Variants in MTMR14 observed in about 807,000 individuals in gnomAD.
The protein encoded by MTMR14 is phosphatidylinositol-3,5-bisphosphate 3-phosphatase MTMR14.
In MTMR14, 48 loss-of-function variants were observed where a neutral mutation model predicts 86.3. The ratio of observed to expected loss-of-function variants is 0.56; its 90% CI spans 0.44 to 0.71. The LOEUF (loss-of-function observed/expected upper bound fraction) is 0.71. MTMR14 is among the 30% of genes least tolerant of loss of function. MTMR14 has a pLI of 0.00. For missense variants in MTMR14, 780 were observed against 834.6 expected, an observed-to-expected ratio of 0.93 and a Z score of 0.81; for synonymous variants, 366 against 326.1, an observed-to-expected ratio of 1.12 and a Z score of -1.32.
Position 9,697,687 on chromosome 3 carries a change from CCCTCTCTCT to C in MTMR14, c.1614-16_1614-8del, listed in dbSNP as rs2076323627. The C allele has an allele frequency of 1.2e-6, 2 of 1,610,912 alleles. No homozygotes were observed. The highest frequency in any genetic ancestry group is 1.1e-5 in the South Asian group (1 of 90,714). On this transcript the variant is annotated splice_polypyrimidine_tract_variant and intron_variant, in intron 17 of 18. Coordinates refer to ENST00000296003, the MANE Select transcript of MTMR14 (RefSeq NM_001077525.3). ...GGCATATGACTGACTGCATCCTCTCCCCTCTCTCTCCTCTCTGCCCCAGATCAGTGGACC... is the reference window on the plus strand; with the variant it reads ...GGCATATGACTGACTGCATCCTCTCCCCTCTCTGCCCCAGATCAGTGGACC...
At chr3:9,656,816 G>C (rs1361920517) in intron 2 of MTMR14, among the ~76,000 whole-genome samples, 1 of 152,102 alleles carries the variant, frequency 6.6e-6, no homozygotes, top group Non-Finnish European at 1.5e-5. Context: ...CATTCTCTTC[G>C]TTCCCCTTCT....
intron 9 of MTMR14, among the ~76,000 whole-genome samples, chr3:9,680,706 G>A (rs571410529): frequency 5.3e-5 from 8 of 152,272 alleles, no homozygotes; most frequent in Middle Eastern, 3.4e-3. Context: ...GCGTGGTGGC[G>A]GGCGCCTGTA....
At chr3:9,689,389 G>A (rs1234284733) in intron 16 of MTMR14, among the ~76,000 whole-genome samples, 5 of 152,270 alleles carry the variant, frequency 3.3e-5, no homozygotes, top group South Asian at 2.1e-4. Context: ...ATCATTTGTC[G>A]GGGAGATAGG....
intron 3 of MTMR14, among the ~76,000 whole-genome samples, chr3:9,664,018 A>C (rs1470834914): frequency 7.2e-6 from 1 of 138,328 alleles, no homozygotes; most frequent in African/African-American, 2.8e-5. Flanking sequence ...CAAACTGCTG[A>C]CCTCAGGTAA....
chr3:9,656,147 A>T (rs1574930875), intron 2 of MTMR14, among the ~76,000 whole-genome samples: 1 of 152,090 alleles, frequency 6.6e-6, no homozygotes, highest in Non-Finnish European at 1.5e-5. Flanking sequence ...CTGAGCCAAG[A>T]TCGAACCACT....
At chr3:9,649,967 T>G (rs745579981) in intron 1 of MTMR14, among the ~76,000 whole-genome samples, 2 of 151,840 alleles carry the variant, frequency 1.3e-5, no homozygotes, top group Non-Finnish European at 2.9e-5. Context: ...AAGAGGTCCT[T>G]CTTGTTTGAG....
At chr3:9,662,477 G>A in intron 3 of MTMR14, 102 bp downstream of exon 3, 1 of 919,014 alleles carries the variant, frequency 1.1e-6, no homozygotes, top group Non-Finnish European at 1.8e-6. Flanking sequence ...TAGTAGCCAA[G>A]CATTGGGTGG....
chr3:9,649,697 G>A lies in MTMR14; in HGVS notation c.114G>A (p.Arg38=). Residue 38 remains arginine (R), a synonymous_variant, in exon 1 of 19, where the codon CGG becomes CGA. Transcript: ENST00000296003. ...GGGAGCTGCTGGAGGAGTTCTCCCG[G>A]ACTCAGTACCGGGCCAAGGATGGCA... ...GLGELLEEFS[R]TQYRAKDGSG... 1 of 1,612,326 alleles carries A rather than the reference G, an allele frequency of 6.2e-7. No individual in the cohort carries two copies. The highest frequency in any genetic ancestry group is 1.1e-5 in the South Asian group (1 of 90,636).
intron 13 of MTMR14, among the ~76,000 whole-genome samples, 176 bp downstream of exon 13, chr3:9,685,423 C>G (rs942628593): frequency 6.6e-6 from 1 of 152,178 alleles, no homozygotes; most frequent in African/African-American, 2.4e-5. Context: ...CACAGTAGCT[C>G]TGTGTTCTGG....
intron 9 of MTMR14, among the ~76,000 whole-genome samples, chr3:9,678,847 C>T (rs2075666943): frequency 1.3e-5 from 2 of 152,206 alleles, no homozygotes; most frequent in South Asian, 4.1e-4. Context: ...AGATCTGCTT[C>T]CCTGAAATCC....
Position 9,702,098 on chromosome 3 carries a change from T to C in MTMR14, c.*125T>C. 8.0e-7 allele frequency: 1 copy of C among 1,257,218 alleles called. No individual in the cohort carries two copies. Among genetic ancestry groups the C allele is most frequent in the Non-Finnish European group, 1.1e-6 (1 of 881,248 alleles). The allele number at this position is 1,257,218 out of a possible 1,614,324, so 77.9% of individuals were successfully genotyped here. A position where few individuals can be genotyped will look rare whatever the true frequency, so the allele number is the denominator to read the frequency against. On this transcript the variant is annotated 3_prime_UTR_variant, in exon 19 of 19. Coordinates refer to ENST00000296003, the MANE Select transcript of MTMR14 (RefSeq NM_001077525.3). The stretch of plus-strand genomic sequence containing the variant: ...AAATTTCAGTCCCCCATCTCCATCA[T>C]GAACATGGCAGCCCCAAAGCTGAGC...
intron 3 of MTMR14, among the ~76,000 whole-genome samples, chr3:9,668,001 AC>A (rs1214416614): frequency 2.0e-5 from 3 of 152,126 alleles, no homozygotes; most frequent in Admixed American, 6.6e-5. Context: ...CCTTCCCATC[AC>A]CAGGTATCTC....
Position 9,684,684 on chromosome 3 carries a change from G to A in MTMR14, c.1050+14G>A, listed in dbSNP as rs751507437. The A allele has an allele frequency of 1.8e-5, 29 of 1,613,568 alleles. No homozygotes were observed. Among genetic ancestry groups the A allele is most frequent in the Admixed American group, 6.7e-5 (4 of 60,008 alleles). On this transcript the variant is annotated intron_variant, in intron 11 of 18. Transcript: ENST00000296003. The stretch of plus-strand genomic sequence containing the variant: ...TCCTTGTGGGCTGTGAGTATGAATC[G>A]GCCCCTACCAAGCTCTGCTCTTTGG...
At chr3:9,697,666 T>C in intron 17 of MTMR14, 45 bp from the exon 18 acceptor site, 1 of 1,602,920 alleles carries the variant, frequency 6.2e-7, no homozygotes, top group Non-Finnish European at 8.5e-7. Context: ...GTGTCAGGCA[T>C]ATGACTGACT....
intron 9 of MTMR14, among the ~76,000 whole-genome samples, chr3:9,682,228 A>G (rs999853697): frequency 5.9e-5 from 9 of 152,194 alleles, no homozygotes; most frequent in African/African-American, 1.9e-4. Context: ...TGTAGTCACT[A>G]AAAGTGGGTC....
intron 3 of MTMR14, among the ~76,000 whole-genome samples, chr3:9,667,877 C>G (rs1426561221): frequency 2.0e-5 from 3 of 152,144 alleles, no homozygotes; most frequent in African/African-American, 7.2e-5. Context: ...ATTGTGTTAC[C>G]CATTCAGCAG....
At chr3:9,696,331 C>G (rs2076281042) in intron 17 of MTMR14, among the ~76,000 whole-genome samples, 1 of 152,156 alleles carries the variant, frequency 6.6e-6, no homozygotes, top group Non-Finnish European at 1.5e-5. Context: ...AACCCTATCT[C>G]TACTAAAAAT....
At position 9,697,795 on chromosome 3, in the gene MTMR14, G is replaced by C. The variant is rs376164405; in HGVS notation, c.1698G>C (p.Gln566His). The C allele has an allele frequency of 3.7e-6, 6 of 1,614,192 alleles. No homozygotes were observed. Among genetic ancestry groups the C allele is most frequent in the Non-Finnish European group, 5.1e-6 (6 of 1,180,032 alleles). Residue 566 changes from glutamine to histidine, a missense_variant, in exon 18 of 19, where the codon CAG becomes CAC. Physicochemically the swap from Gln to His is conservative, Grantham distance 24. Coordinates refer to ENST00000296003, the MANE Select transcript of MTMR14 (RefSeq NM_001077525.3). ...WQMVTGCGSI[Q>H]ERAVLHTDSS... ...TGGTAACGGGCTGTGGCAGTATTCA[G>C]GAGCGGGCTGTCCTGCACACAGACT...
intron 4 of MTMR14, among the ~76,000 whole-genome samples, chr3:9,669,030 C>CT (rs1286201159): frequency 2.6e-5 from 4 of 151,816 alleles, no homozygotes; most frequent in Non-Finnish European, 4.4e-5. Flanking sequence ...GTCCCAGCTA[C>CT]TCAGGAGGCT....
Sources: allele counts gnomAD v4.1 joint callset (sites outside exome capture counted in the v4.1 genomes callset), GRCh38; gene constraint gnomAD v4.1.1; transcripts MANE v1.5; gene names NCBI Gene and HGNC (gene_info 2026-07-23, HGNC 2026-07-21).